The following CACNA2D3 variants were observed in gnomAD, a reference collection of about 807,000 sequenced individuals.
CACNA2D3 encodes voltage-dependent calcium channel subunit alpha-2/delta-3.
Under a neutral mutation model 160.6 loss-of-function variants are expected in CACNA2D3, and 60 were observed. The observed-to-expected ratio is 0.37, with a 90% CI of 0.30 to 0.46. The LOEUF is 0.46. CACNA2D3 is among the 20% of genes least tolerant of loss of function. The probability of loss-of-function intolerance (pLI) is 1.00; values close to 1 mark genes in which losing one functional copy is unlikely to be tolerated. For synonymous variants in CACNA2D3, 558 were observed against 492.9 expected (o/e 1.13, Z -1.75); for missense variants, 1,205 against 1,365.0 (o/e 0.88, Z 1.85).
In CACNA2D3 at chr3:54,213,778, G is replaced by A. The variant is rs115423750; in HGVS notation, c.204+90184G>A. Among the ~76,000 whole-genome samples the A allele has an allele frequency of 3.7e-3, 565 of 152,278 alleles. 4 individuals are homozygous for A. Among genetic ancestry groups the A allele is most frequent in the African/African-American group, 0.013 (543 of 41,530 alleles). ...GGGGATTCATAATGCAGAACAACAG[G>A]AAGATGGAAATAAAAATGAATCAAA... is the stretch of plus-strand genomic sequence containing the variant. On this transcript the variant is annotated intron_variant, in intron 2 of 37. Coordinates refer to ENST00000474759, the MANE Select transcript of CACNA2D3 (RefSeq NM_018398.3).
At chr3:54,141,913 A>G (rs1000151237) in intron 2 of CACNA2D3, among the ~76,000 whole-genome samples, 1 of 152,362 alleles carries the variant, frequency 6.6e-6, no homozygotes, top group Middle Eastern at 3.4e-3. Flanking sequence ...AAGAACAAGC[A>G]AAATAAGATT....
At chr3:54,823,340 AAAAC>A (rs1344004230) in intron 14 of CACNA2D3, among the ~76,000 whole-genome samples, 9 of 152,292 alleles carry the variant, frequency 5.9e-5, no homozygotes, top group East Asian at 1.9e-4. Context: ...ATTCAGGAAA[AAAAC>A]AAAGTAAAAA....
chr3:54,962,388 T>C (rs1002481868), intron 27 of CACNA2D3, among the ~76,000 whole-genome samples: 17 of 152,226 alleles, frequency 1.1e-4, no homozygotes, highest in African/African-American at 4.1e-4. Context: ...AGATGAATTT[T>C]CTGCTCACTC....
intron 27 of CACNA2D3, among the ~76,000 whole-genome samples, chr3:54,912,191 A>G (rs1700570150): frequency 6.6e-6 from 1 of 152,208 alleles, no homozygotes. Context: ...TACTTTGAAT[A>G]GGACAAGCAA....
chr3:54,453,506 A>G (rs527766329), intron 4 of CACNA2D3, among the ~76,000 whole-genome samples: 32 of 70,624 alleles, frequency 4.5e-4, no homozygotes, highest in African/African-American at 1.4e-3. Context: ...CCACATTTAT[A>G]CAAACGAGAT....
chr3:54,743,263 A>G (rs1266758586), intron 11 of CACNA2D3, among the ~76,000 whole-genome samples: 3 of 152,230 alleles, frequency 2.0e-5, no homozygotes, highest in African/African-American at 4.8e-5. Context: ...CTAATAAACC[A>G]TTAATATAAC....
intron 34 of CACNA2D3, among the ~76,000 whole-genome samples, chr3:55,017,007 C>A (rs573284050): frequency 6.6e-6 from 1 of 152,216 alleles, no homozygotes; most frequent in Non-Finnish European, 1.5e-5. Flanking sequence ...GACAAAATAT[C>A]TCCCCGTAGT....
At chr3:54,526,245 A>G (rs558289203) in intron 5 of CACNA2D3, among the ~76,000 whole-genome samples, 15 of 151,986 alleles carry the variant, frequency 9.9e-5, no homozygotes, top group Middle Eastern at 3.4e-3. Context: ...CTCTTTAATT[A>G]TGGTTTTCTT....
chr3:54,911,564 A>G (rs61111516), intron 27 of CACNA2D3, among the ~76,000 whole-genome samples: 2,004 of 150,662 alleles, frequency 0.013, 58 homozygotes, highest in African/African-American at 0.046. Flanking sequence ...CTGCCTATAA[A>G]TCCTGTTATT....
intron 2 of CACNA2D3, among the ~76,000 whole-genome samples, chr3:54,258,791 C>A (rs1004848067): frequency 2.6e-5 from 4 of 152,060 alleles, no homozygotes; most frequent in Admixed American, 1.3e-4. Flanking sequence ...TTTCATAACA[C>A]CTGAAGGGAT....
At chr3:55,045,720 C>T (rs1039234831) in intron 35 of CACNA2D3, among the ~76,000 whole-genome samples, 5 of 152,042 alleles carry the variant, frequency 3.3e-5, no homozygotes, top group Non-Finnish European at 7.4e-5. Flanking sequence ...CTTTTAGTGT[C>T]TGTAGAATCT....
chr3:54,898,377 C>T (rs1265020909), intron 26 of CACNA2D3, among the ~76,000 whole-genome samples: 2 of 151,978 alleles, frequency 1.3e-5, no homozygotes, highest in African/African-American at 4.8e-5. Context: ...CACCCGCCAC[C>T]ATACCCAGCT....
intron 11 of CACNA2D3, among the ~76,000 whole-genome samples, chr3:54,751,335 T>C (rs1273454429): frequency 6.6e-6 from 1 of 152,182 alleles, no homozygotes; most frequent in African/African-American, 2.4e-5. Context: ...CATTTACATA[T>C]CCCTTTAAAT....
chr3:54,993,547 AAAGAGC>A (rs1378509765), intron 31 of CACNA2D3, among the ~76,000 whole-genome samples: 2 of 152,226 alleles, frequency 1.3e-5, no homozygotes, highest in Non-Finnish European at 2.9e-5. Context: ...GAGCCCAAGG[AAAGAGC>A]AAGAGCCTTC....
At chr3:54,337,069 A>G (rs796557491) in intron 3 of CACNA2D3, among the ~76,000 whole-genome samples, 9 of 152,128 alleles carry the variant, frequency 5.9e-5, no homozygotes, top group African/African-American at 2.2e-4. Context: ...CAGACATAGA[A>G]CGAGACATAG....
chr3:54,212,531 A>G (rs1256777321), intron 2 of CACNA2D3, among the ~76,000 whole-genome samples: 1 of 152,210 alleles, frequency 6.6e-6, no homozygotes, highest in Non-Finnish European at 1.5e-5. Flanking sequence ...CAGGCGTCAG[A>G]GAGAATAGAT....
intron 3 of CACNA2D3, among the ~76,000 whole-genome samples, chr3:54,381,558 TC>T (rs745775103): frequency 1.3e-5 from 2 of 152,238 alleles, no homozygotes; most frequent in Non-Finnish European, 2.9e-5. Context: ...TGTCCGGTTT[TC>T]CGCTTCTGGC....
rs574579716 is a variant in CACNA2D3 at position 54,445,128 on chromosome 3, T to G, written c.381+58354T>G. ...GTCCAATGACAAATGGTAGTGATTATGAGCCTCGGCTCAGGGATATAGGCA... is the reference window on the plus strand; with the variant it reads ...GTCCAATGACAAATGGTAGTGATTAGGAGCCTCGGCTCAGGGATATAGGCA... On this transcript the variant is annotated intron_variant, in intron 4 of 37. Coordinates refer to ENST00000474759, the MANE Select transcript of CACNA2D3 (RefSeq NM_018398.3). 2.6e-5 allele frequency among the ~76,000 whole-genome samples: 4 copies of G among 152,356 alleles called. No homozygotes were observed. In the South Asian group the frequency reaches 8.3e-4, roughly 32 times the overall value.
At chr3:54,378,007 T>C (rs571851301) in intron 3 of CACNA2D3, among the ~76,000 whole-genome samples, 92 of 152,328 alleles carry the variant, frequency 6.0e-4, no homozygotes, top group African/African-American at 2.1e-3. Context: ...CCTTCAATAC[T>C]CTGCCATGGT....
Sources: gnomAD v4.1 joint callset for allele counts (sites outside exome capture counted in the v4.1 genomes callset) on GRCh38, gnomAD v4.1.1 for gene constraint, MANE v1.5 for transcripts, NCBI Gene and HGNC (gene_info 2026-07-23, HGNC 2026-07-21) for gene names.